The following PRRX2 variants were observed in gnomAD, a reference collection of about 807,000 sequenced individuals.
PRRX2 encodes the protein paired mesoderm homeobox protein 2.
In PRRX2, 11 loss-of-function variants were observed where a neutral mutation model predicts 18.0. The ratio of observed to expected loss-of-function variants is 0.61; its 90% confidence interval spans 0.39 to 1.01. The LOEUF is 1.01. Among genes scored for constraint, PRRX2 ranks in the 50% least tolerant of loss-of-function variants. The pLI is 0.01. For synonymous variants in PRRX2, 177 were observed against 154.8 expected, an observed-to-expected ratio of 1.14 and a Z score of -1.06; for missense variants, 387 against 351.0, an observed-to-expected ratio of 1.10 and a Z score of -0.82.
intron 1 of PRRX2, among the ~76,000 whole-genome samples, chr9:129,705,206 A>AGGG (rs67158358): frequency 0.34 from 51,116 of 149,300 alleles, 9,380 homozygotes; most frequent in East Asian, 0.56. Context: ...TCTCAGGAAT[A>AGGG]GAGAGACTGA....
intron 1 of PRRX2, among the ~76,000 whole-genome samples, chr9:129,667,965 T>G (rs1469332989): frequency 6.6e-6 from 1 of 152,046 alleles, no homozygotes; most frequent in Admixed American, 6.5e-5. Context: ...CAGGCATGCT[T>G]GGGACACACT....
chr9:129,673,830 G>T (rs1276635649), intron 1 of PRRX2, among the ~76,000 whole-genome samples: 7 of 152,244 alleles, frequency 4.6e-5, no homozygotes, highest in Non-Finnish European at 1.0e-4. Context: ...CTTTTGCGAG[G>T]TGGTGAGTAG....
intron 1 of PRRX2, among the ~76,000 whole-genome samples, chr9:129,701,853 C>CT (rs1297788400): frequency 2.6e-5 from 4 of 151,840 alleles, no homozygotes; most frequent in African/African-American, 9.7e-5. Flanking sequence ...TAATCCCACA[C>CT]TTTAGGAGGC....
rs1199457661 is a variant in PRRX2, at chr9:129,671,420, G to A, written c.259+5294G>A. Among the ~76,000 whole-genome samples, 1 of 152,156 alleles carries A rather than the reference G, an allele frequency of 6.6e-6. No homozygotes were observed. The highest frequency in any genetic ancestry group is 2.4e-5 in the African/African-American group (1 of 41,436). On this transcript the variant is annotated intron_variant, in intron 1 of 3. Coordinates refer to ENST00000372469, the MANE Select transcript of PRRX2 (RefSeq NM_016307.4). The surrounding 1 kb of genome is among the most constrained non-coding windows in gnomAD (Gnocchi z 4.0). ...CATCTGGGTGGAGCTTGGGGGCCTG[G>A]CACAGGGGGCTTAGACCGGCTTGCC... is the stretch of plus-strand genomic sequence containing the variant.
At chr9:129,688,608 G>C (rs1346255767) in intron 1 of PRRX2, among the ~76,000 whole-genome samples, 1 of 152,184 alleles carries the variant, frequency 6.6e-6, no homozygotes, top group Non-Finnish European at 1.5e-5. Flanking sequence ...ACAGCCAGGA[G>C]GGCTCACTGG....
chr9:129,673,957 G>C (rs184133006), intron 1 of PRRX2, among the ~76,000 whole-genome samples: 3 of 152,174 alleles, frequency 2.0e-5, no homozygotes, highest in Non-Finnish European at 2.9e-5. Context: ...CGCAGGTAGG[G>C]AGGTGACGTG....
Position 129,665,820 on chromosome 9 carries a change from G to T in PRRX2, c.-48G>T, listed in dbSNP as rs1480141339. The T allele has an allele frequency of 6.8e-6, 7 of 1,023,270 alleles. No individual in the cohort carries two copies. Among genetic ancestry groups the T allele is most frequent in the Non-Finnish European group, 7.0e-6 (6 of 856,348 alleles). 63.4% of individuals were successfully genotyped at this position (1,023,270 alleles called of 1,614,324 possible). ...GACCCGCGCCCGCGACCCTTCCTGG[G>T]ACCCGAGCCCGAGACCCCCGCCGGC... On this transcript the variant is annotated 5_prime_UTR_variant, in exon 1 of 4. Transcript: ENST00000372469. This position sits in a 1 kb window ranked among gnomAD's most constrained non-coding sequence, Gnocchi z 5.3.
Position 129,686,321 on chromosome 9 carries a change from GGCGGGTATCTGGAT to G in PRRX2, c.259+20198_259+20211del, listed in dbSNP as rs1293458029. ...CGCTGTTAGGGCTGGGCCCATGAGG[GGCGGGTATCTGGAT>G]GCAGACCTCCTTACTTTTGTTTTGT... On this transcript the variant is annotated intron_variant, in intron 1 of 3. Transcript: ENST00000372469. Among the ~76,000 whole-genome samples the G allele has an allele frequency of 2.0e-5, 3 of 152,214 alleles. No individual in the cohort carries two copies. The East Asian group carries it at 5.8e-4, about 29-fold the overall frequency.
intron 1 of PRRX2, among the ~76,000 whole-genome samples, chr9:129,679,705 C>T (rs535791687): frequency 6.6e-6 from 1 of 152,304 alleles, no homozygotes; most frequent in East Asian, 1.9e-4. Context: ...AACGCTGGAG[C>T]AGGGGCTGCT....
intron 1 of PRRX2, among the ~76,000 whole-genome samples, chr9:129,685,624 T>C (rs1258584997): frequency 1.3e-5 from 2 of 152,228 alleles, no homozygotes; most frequent in African/African-American, 2.4e-5. Context: ...ACTACAGGCA[T>C]GAGCCACTGC....
intron 1 of PRRX2, among the ~76,000 whole-genome samples, chr9:129,666,520 G>A (rs1196716544): frequency 2.0e-5 from 3 of 151,858 alleles, no homozygotes; most frequent in Non-Finnish European, 4.4e-5. Flanking sequence ...CGCCGCCCCA[G>A]CTCCTCCTCG....
chr9:129,692,374 G>A (rs1441203196), intron 1 of PRRX2, among the ~76,000 whole-genome samples: 1 of 136,442 alleles, frequency 7.3e-6, no homozygotes, highest in Non-Finnish European at 1.5e-5. Flanking sequence ...TGTTACATTC[G>A]TTACAGTCAG....
At chr9:129,703,560 T>C (rs1364075087) in intron 1 of PRRX2, among the ~76,000 whole-genome samples, 1 of 152,148 alleles carries the variant, frequency 6.6e-6, no homozygotes, top group Non-Finnish European at 1.5e-5. Context: ...TCTCTGAATC[T>C]CATTGCCCCT....
In PRRX2 at chr9:129,707,140, C is replaced by A. The variant is rs150351889; in HGVS notation, c.260-12091C>A. On this transcript the variant is annotated intron_variant, in intron 1 of 3. Transcript: ENST00000372469. ...GCATGGTGGCTGGCACCTGTAATCT[C>A]AGCTACTTGGGAAGCTGAGGCAGGA... Among the ~76,000 whole-genome samples, 973 of 152,154 alleles carry A rather than the reference C, an allele frequency of 6.4e-3. 5 individuals carry two copies. The highest frequency in any genetic ancestry group is 0.022 in the African/African-American group (917 of 41,480).
chr9:129,721,156 C>T (rs1468535885), intron 3 of PRRX2, among the ~76,000 whole-genome samples: 2 of 152,204 alleles, frequency 1.3e-5, no homozygotes, highest in African/African-American at 4.8e-5. Flanking sequence ...AAAGTACAGG[C>T]ATCACCCTGA....
In PRRX2 at chr9:129,675,957, T is replaced by A. The variant is rs1048377192; in HGVS notation, c.259+9831T>A. Among the ~76,000 whole-genome samples, 3 of 152,140 alleles carry A rather than the reference T, an allele frequency of 2.0e-5. No homozygotes were observed. The highest frequency in any genetic ancestry group is 2.9e-5 in the Non-Finnish European group (2 of 68,028). Reference sequence around the variant, plus strand: ...AGAAAACAGCTGTTAACAGCAGCCCTCTAATGCTCTCAAGATGGTGCCTCA... The same window carrying A: ...AGAAAACAGCTGTTAACAGCAGCCCACTAATGCTCTCAAGATGGTGCCTCA... On this transcript the variant is annotated intron_variant, in intron 1 of 3. Transcript: ENST00000372469. This position sits in a 1 kb window ranked among gnomAD's most constrained non-coding sequence, Gnocchi z 4.4.
At chr9:129,673,682 A>G (rs1588161426) in intron 1 of PRRX2, among the ~76,000 whole-genome samples, 1 of 151,884 alleles carries the variant, frequency 6.6e-6, no homozygotes, top group Admixed American at 6.6e-5. Flanking sequence ...ACACACAGGC[A>G]CACACACGCC....
At chr9:129,722,084 C>T in intron 3 of PRRX2, 133 bp from the exon 4 acceptor site, 1 of 1,297,534 alleles carries the variant, frequency 7.7e-7, no homozygotes, top group Non-Finnish European at 1.1e-6. Context: ...CTCCAAATCA[C>T]CCCCAGTCCT....
intron 1 of PRRX2, among the ~76,000 whole-genome samples, chr9:129,686,494 G>A (rs1431714952): frequency 1.3e-5 from 2 of 152,166 alleles, no homozygotes; most frequent in Admixed American, 6.5e-5. Flanking sequence ...ACAGGTGCAC[G>A]CTGCCACACT....
Sources: gnomAD v4.1 joint callset for allele counts (sites outside exome capture counted in the v4.1 genomes callset) on GRCh38, gnomAD v4.1.1 for gene constraint, Gnocchi (gnomAD v3.1) non-coding constraint, MANE v1.5 for transcripts, NCBI Gene and HGNC (gene_info 2026-07-23, HGNC 2026-07-21) for gene names.